Variants in SPATA31D3 observed in about 807,000 individuals in gnomAD.
The protein encoded by SPATA31D3 is SPATA31 subfamily D member 3, also known as spermatogenesis-associated protein 31D3.
For missense variants in SPATA31D3, 91 were observed against 297.9 expected (o/e 0.31, Z 5.11); for synonymous variants, 27 against 107.8 (o/e 0.25, Z 4.65).
chr9:81,949,183 A>T lies in SPATA31D3; in HGVS notation c.*1176A>T. On this transcript the variant is annotated 3_prime_UTR_variant, in exon 4 of 4. Coordinates refer to ENST00000445385, the MANE Select transcript of SPATA31D3 (RefSeq NM_207416.3). ...TAAGAATTTTTCACCAGCTACAAAG[A>T]GAGTGAGCCCTCTAAGACCTAATGG... The T allele has an allele frequency of 2.0e-6, 1 of 488,572 alleles. No homozygotes were observed. The highest frequency in any genetic ancestry group is 3.8e-6 in the Non-Finnish European group (1 of 262,578). The allele number at this position is 488,572 out of a possible 1,614,324, so 30.3% of individuals were successfully genotyped here. A position where few individuals can be genotyped will look rare whatever the true frequency, so the allele number is the denominator to read the frequency against.
Position 81,949,735 on chromosome 9 carries a change from C to T in SPATA31D3, c.*1728C>T. ...AGTGACATGTACCAAATCTTGCAGC[C>T]AACAAGCTATCTTTGTCGGCCAGAA... On this transcript the variant is annotated 3_prime_UTR_variant, in exon 4 of 4. Transcript: ENST00000445385. 7.1e-7 allele frequency: 1 copy of T among 1,408,136 alleles called. No homozygotes were observed. The highest frequency in any genetic ancestry group is 1.0e-6 in the Non-Finnish European group (1 of 997,596). The allele number at this position is 1,408,136 out of a possible 1,614,324, so 87.2% of individuals were successfully genotyped here. A position where few individuals can be genotyped will look rare whatever the true frequency, so the allele number is the denominator to read the frequency against.
In SPATA31D3 at chr9:81,948,071, A is replaced by G. The variant is rs1823932760; in HGVS notation, c.*64A>G. 5 of 1,577,636 alleles carry G rather than the reference A, an allele frequency of 3.2e-6. No homozygotes were observed. The highest frequency in any genetic ancestry group is 1.4e-5 in the African/African-American group (1 of 72,558). The stretch of plus-strand genomic sequence containing the variant: ...ACAGAAATCTTCAAATCAGAAGAGG[A>G]TATTTCCAATTCCTTTTCCCATTTC... On this transcript the variant is annotated 3_prime_UTR_variant, in exon 4 of 4. Coordinates refer to ENST00000445385, the MANE Select transcript of SPATA31D3 (RefSeq NM_207416.3).
Position 81,949,768 on chromosome 9 carries a change from G to C in SPATA31D3, c.*1761G>C. ...TATCTTTGTCGGCCAGAATTATCCT[G>C]CAATGATTAGACAGATCATAGACAA... is the stretch of plus-strand genomic sequence containing the variant. On this transcript the variant is annotated 3_prime_UTR_variant, in exon 4 of 4. Transcript: ENST00000445385. 7.4e-7 allele frequency: 1 copy of C among 1,348,796 alleles called. No individual in the cohort carries two copies. Among genetic ancestry groups the C allele is most frequent in the Non-Finnish European group, 1.1e-6 (1 of 943,306 alleles). The allele number at this position is 1,348,796 out of a possible 1,614,324, so 83.6% of individuals were successfully genotyped here.
At position 81,949,215 on chromosome 9, in the gene SPATA31D3, G is replaced by C. The variant is rs1296914422; in HGVS notation, c.*1208G>C. The C allele has an allele frequency of 7.1e-6, 3 of 420,344 alleles. No homozygotes were observed. The East Asian group carries it at 1.3e-4, about 19-fold the overall frequency. The allele number at this position is 420,344 out of a possible 1,614,324, so 26.0% of individuals were successfully genotyped here. A position where few individuals can be genotyped will look rare whatever the true frequency, so the allele number is the denominator to read the frequency against. ...GCCCTCTAAGACCTAATGGAGGAGAGCTTGGTGGAGGGGATGCAGGGCTGG... is the reference window on the plus strand; with the variant it reads ...GCCCTCTAAGACCTAATGGAGGAGACCTTGGTGGAGGGGATGCAGGGCTGG... On this transcript the variant is annotated 3_prime_UTR_variant, in exon 4 of 4. Transcript: ENST00000445385.
chr9:81,950,092 A>C lies in SPATA31D3; in HGVS notation c.*2085A>C, dbSNP rs1824013103. The C allele has an allele frequency of 8.7e-6, 2 of 230,764 alleles. No individual in the cohort carries two copies. The highest frequency in any genetic ancestry group is 1.7e-5 in the Non-Finnish European group (2 of 118,132). The allele number at this position is 230,764 out of a possible 1,614,324, so 14.3% of individuals were successfully genotyped here. A position where few individuals can be genotyped will look rare whatever the true frequency, so the allele number is the denominator to read the frequency against. ...CCCCAATAAACGTTCTAATAAGAATAAGAAGGATGTCTTTTCTGTGTATTG... is the reference window on the plus strand; with the variant it reads ...CCCCAATAAACGTTCTAATAAGAATCAGAAGGATGTCTTTTCTGTGTATTG... On this transcript the variant is annotated 3_prime_UTR_variant, in exon 4 of 4. Transcript: ENST00000445385.
chr9:81,949,467 T>A lies in SPATA31D3; in HGVS notation c.*1460T>A, dbSNP rs967865029. On this transcript the variant is annotated 3_prime_UTR_variant, in exon 4 of 4. Transcript: ENST00000445385. ...GCTCCTTGTCATCATCTGTGCAGAATAGAGGTCGAGTTAAAAGTAGAGCTG... is the reference window on the plus strand; with the variant it reads ...GCTCCTTGTCATCATCTGTGCAGAAAAGAGGTCGAGTTAAAAGTAGAGCTG... The A allele has an allele frequency of 4.2e-6, 2 of 473,602 alleles. No individual in the cohort carries two copies. The highest frequency in any genetic ancestry group is 8.9e-5 in the East Asian group (2 of 22,580). 29.3% of individuals were successfully genotyped at this position (473,602 alleles called of 1,614,324 possible).
At chr9:81,945,400 A>G in intron 3 of SPATA31D3, 147 bp from the exon 4 acceptor site, 4 of 251,390 alleles carry the variant, frequency 1.6e-5, no homozygotes, top group Non-Finnish European at 2.8e-5. Context: ...TATGTGAATG[A>G]ATGCTTTGAG....
rs1380062513 is a variant in SPATA31D3, at chr9:81,949,704, C to T, written c.*1697C>T. On this transcript the variant is annotated 3_prime_UTR_variant, in exon 4 of 4. Transcript: ENST00000445385. ...ATCCCTGCAACTACATGGCTCCCTC[C>T]TGCAAAGTGACATGTACCAAATCTT... 7.8e-6 allele frequency: 11 copies of T among 1,404,722 alleles called. No homozygotes were observed. The highest frequency in any genetic ancestry group is 4.6e-5 in the South Asian group (4 of 86,564). The allele number at this position is 1,404,722 out of a possible 1,614,324, so 87.0% of individuals were successfully genotyped here.
Position 81,948,072 on chromosome 9 carries a change from T to C in SPATA31D3, c.*65T>C. On this transcript the variant is annotated 3_prime_UTR_variant, in exon 4 of 4. Coordinates refer to ENST00000445385, the MANE Select transcript of SPATA31D3 (RefSeq NM_207416.3). ...CAGAAATCTTCAAATCAGAAGAGGATATTTCCAATTCCTTTTCCCATTTCT... is the reference window on the plus strand; with the variant it reads ...CAGAAATCTTCAAATCAGAAGAGGACATTTCCAATTCCTTTTCCCATTTCT... 5 of 1,575,952 alleles carry C rather than the reference T, an allele frequency of 3.2e-6. No homozygotes were observed. Among genetic ancestry groups the C allele is most frequent in the Non-Finnish European group, 4.3e-6 (5 of 1,162,272 alleles).
Position 81,949,915 on chromosome 9 carries a change from C to T in SPATA31D3, c.*1908C>T, listed in dbSNP as rs1824004904. 1.8e-5 allele frequency: 11 copies of T among 614,312 alleles called. No homozygotes were observed. The highest frequency in any genetic ancestry group is 5.4e-4 in the Middle Eastern group (2 of 3,734). 38.1% of individuals were successfully genotyped at this position (614,312 alleles called of 1,614,324 possible). A position where few individuals can be genotyped will look rare whatever the true frequency, so the allele number is the denominator to read the frequency against. Reference sequence around the variant, plus strand: ...AACCCCACTTGCAGTGTGAAGTCAACCTGGTGCCTCCGGTCATCCTGACCA... The same window carrying T: ...AACCCCACTTGCAGTGTGAAGTCAATCTGGTGCCTCCGGTCATCCTGACCA... On this transcript the variant is annotated 3_prime_UTR_variant, in exon 4 of 4. Coordinates refer to ENST00000445385, the MANE Select transcript of SPATA31D3 (RefSeq NM_207416.3).
chr9:81,949,263 G>C lies in SPATA31D3; in HGVS notation c.*1256G>C. On this transcript the variant is annotated 3_prime_UTR_variant, in exon 4 of 4. Transcript: ENST00000445385. Reference sequence around the variant, plus strand: ...TGGGGACATCCCAACTCAGAAGAAAGAGCCATGCTATTCATAACAAGACAT... The same window carrying C: ...TGGGGACATCCCAACTCAGAAGAAACAGCCATGCTATTCATAACAAGACAT... 2.6e-6 allele frequency: 1 copy of C among 381,982 alleles called. No individual in the cohort carries two copies. Among genetic ancestry groups the C allele is most frequent in the South Asian group, 4.0e-5 (1 of 25,294 alleles). 23.7% of individuals were successfully genotyped at this position (381,982 alleles called of 1,614,324 possible).
Position 81,949,814 on chromosome 9 carries a change from T to C in SPATA31D3, c.*1807T>C, listed in dbSNP as rs554310755. The C allele has an allele frequency of 9.5e-5, 115 of 1,206,678 alleles. 1 individual carries two copies. The East Asian group carries it at 2.4e-3, about 25-fold the overall frequency. The allele number at this position is 1,206,678 out of a possible 1,614,324, so 74.7% of individuals were successfully genotyped here. On this transcript the variant is annotated 3_prime_UTR_variant, in exon 4 of 4. Coordinates refer to ENST00000445385, the MANE Select transcript of SPATA31D3 (RefSeq NM_207416.3). ...GACAAGGACAGATAGCCCCAGGAAG[T>C]TGGACATTTAAGGGGAAGATATTGT... is the stretch of plus-strand genomic sequence containing the variant.
Position 81,949,639 on chromosome 9 carries a change from G to A in SPATA31D3, c.*1632G>A. 1 of 878,056 alleles carries A rather than the reference G, an allele frequency of 1.1e-6. No individual in the cohort carries two copies. Among genetic ancestry groups the A allele is most frequent in the Middle Eastern group, 3.0e-4 (1 of 3,348 alleles). The allele number at this position is 878,056 out of a possible 1,614,324, so 54.4% of individuals were successfully genotyped here. ...AGTGCAGCTTGGGAAATCTCAGAAT[G>A]TGCCAGAACTGCAGGTCAGAGCAGA... On this transcript the variant is annotated 3_prime_UTR_variant, in exon 4 of 4. Coordinates refer to ENST00000445385, the MANE Select transcript of SPATA31D3 (RefSeq NM_207416.3).
Position 81,947,886 on chromosome 9 carries a change from G to T in SPATA31D3, c.2633G>T (p.Ser878Ile), listed in dbSNP as rs753834921. Residue 878 changes from serine (S) to isoleucine (I), a missense_variant, in exon 4 of 4, where the codon AGT (serine) becomes ATT (isoleucine). Transcript: ENST00000445385. ...IKHRNLAALVSEDHRVDTSQE... is the reference protein window; with the variant it reads ...IKHRNLAALVIEDHRVDTSQE... ...CATCGAAATTTGGCAGCATTGGTGAGTGAGGACCACCGCGTTGATACCTCC... is the reference window on the plus strand; with the variant it reads ...CATCGAAATTTGGCAGCATTGGTGATTGAGGACCACCGCGTTGATACCTCC... 1 of 1,611,960 alleles carries T rather than the reference G, an allele frequency of 6.2e-7. No homozygotes were observed. The highest frequency in any genetic ancestry group is 2.2e-5 in the East Asian group (1 of 44,540).
At chr9:81,945,270 C>CTTCTTTTTTT (rs1823868607) in intron 3 of SPATA31D3, 38 bp downstream of exon 3, 1 of 192,498 alleles carries the variant, frequency 5.2e-6, no homozygotes, top group Non-Finnish European at 9.0e-6. Flanking sequence ...TTCCCACCGC[C>CTTCTTTTTTT]TTCTTTTTTT....
At chr9:81,944,907 G>A (rs748580228) in intron 2 of SPATA31D3, among the ~76,000 whole-genome samples, 182 of 7,888 alleles carry the variant, frequency 0.023, no homozygotes, top group Non-Finnish European at 0.046. Flanking sequence ...CTTGATGCTC[G>A]GATTCCTCCT....
chr9:81,947,646 C>G lies in SPATA31D3; in HGVS notation c.2393C>G (p.Ser798Cys). 4.4e-6 allele frequency: 7 copies of G among 1,577,862 alleles called. No homozygotes were observed. Among genetic ancestry groups the G allele is most frequent in the Non-Finnish European group, 6.0e-6 (7 of 1,158,286 alleles). ...TSSEEDLRSN[S>C]ERDLGTHMMH... Reference sequence around the variant, plus strand: ...TCAGAGGAGGATCTGAGGTCTAACTCTGAGAGAGACCTAGGAACTCATATG... The same window carrying G: ...TCAGAGGAGGATCTGAGGTCTAACTGTGAGAGAGACCTAGGAACTCATATG... Residue 798 changes from serine to cysteine, a missense_variant, in exon 4 of 4, where the codon TCT becomes TGT. Physicochemically the swap from Ser to Cys is moderately radical, Grantham distance 112. Coordinates refer to ENST00000445385, the MANE Select transcript of SPATA31D3 (RefSeq NM_207416.3).
At position 81,949,281 on chromosome 9, in the gene SPATA31D3, C is replaced by G. The variant is rs1238763731; in HGVS notation, c.*1274C>G. On this transcript the variant is annotated 3_prime_UTR_variant, in exon 4 of 4. Transcript: ENST00000445385. ...GAAGAAAGAGCCATGCTATTCATAA[C>G]AAGACATCAAGGGAGTCGCTTGGGA... 4 of 374,152 alleles carry G rather than the reference C, an allele frequency of 1.1e-5. No homozygotes were observed. Among genetic ancestry groups the G allele is most frequent in the Admixed American group, 3.9e-5 (1 of 25,580 alleles). The allele number at this position is 374,152 out of a possible 1,614,324, so 23.2% of individuals were successfully genotyped here. A position where few individuals can be genotyped will look rare whatever the true frequency, so the allele number is the denominator to read the frequency against.
chr9:81,949,464 G>T lies in SPATA31D3; in HGVS notation c.*1457G>T. 2.1e-6 allele frequency: 1 copy of T among 471,696 alleles called. No individual in the cohort carries two copies. Among genetic ancestry groups the T allele is most frequent in the South Asian group, 2.2e-5 (1 of 44,776 alleles). The allele number at this position is 471,696 out of a possible 1,614,324, so 29.2% of individuals were successfully genotyped here. A position where few individuals can be genotyped will look rare whatever the true frequency, so the allele number is the denominator to read the frequency against. ...GTAGCTCCTTGTCATCATCTGTGCA[G>T]AATAGAGGTCGAGTTAAAAGTAGAG... On this transcript the variant is annotated 3_prime_UTR_variant, in exon 4 of 4. Coordinates refer to ENST00000445385, the MANE Select transcript of SPATA31D3 (RefSeq NM_207416.3).
Sources: gnomAD v4.1 joint callset for allele counts (sites outside exome capture counted in the v4.1 genomes callset) on GRCh38, gnomAD v4.1.1 for gene constraint, MANE v1.5 for transcripts, NCBI Gene and HGNC (gene_info 2026-07-23, HGNC 2026-07-21) for gene names.